Variants in DACH2 observed in about 807,000 individuals in gnomAD.
DACH2 encodes dachshund homolog 2.
Under a neutral mutation model 35.8 loss-of-function variants are expected in DACH2, and 17 were observed. The ratio of observed to expected loss-of-function variants is 0.48; its 90% CI spans 0.33 to 0.71. DACH2 has a LOEUF of 0.71. DACH2 is among the 30% of genes least tolerant of loss of function. The pLI, the probability that DACH2 is intolerant of heterozygous loss-of-function variation, is 0.02. For synonymous variants in DACH2, 195 were observed against 177.3 expected (o/e 1.10, Z -0.79); for missense variants, 469 against 472.7 (o/e 0.99, Z 0.07).
At chrX:86,512,812 T>G in intron 2 of DACH2, 1 of 307,004 alleles carries the variant, frequency 3.3e-6, no homozygotes, top group East Asian at 9.8e-5. Flanking sequence ...ATAGGATATT[T>G]CTGCTTCCAG....
intron 3 of DACH2, among the ~76,000 whole-genome samples, chrX:86,614,786 A>G (rs1402245035): frequency 9.0e-6 from 1 of 111,629 alleles, no homozygotes; most frequent in Non-Finnish European, 1.9e-5. Context: ...GAGTTAATTC[A>G]TACTCTCATT....
At chrX:86,321,659 T>A (rs2035017726) in intron 1 of DACH2, among the ~76,000 whole-genome samples, 1 of 111,799 alleles carries the variant, frequency 8.9e-6, no homozygotes, top group African/African-American at 3.3e-5. Context: ...CTTTTCCTTT[T>A]TGTTCTACTA....
chrX:86,203,902 A>T, intron 1 of DACH2, among the ~76,000 whole-genome samples: 1 of 111,421 alleles, frequency 9.0e-6, no homozygotes, highest in Non-Finnish European at 1.9e-5. Context: ...ATTGTAGAGG[A>T]CTGTAGGGTA....
At chrX:86,362,856 G>T (rs1468599226) in intron 1 of DACH2, among the ~76,000 whole-genome samples, 1 of 110,782 alleles carries the variant, frequency 9.0e-6, no homozygotes, top group Non-Finnish European at 1.9e-5. Context: ...TAACAGATGG[G>T]CTTACTTTTA....
chrX:86,610,422 C>CTTTCTTTCT (rs2039926809), intron 3 of DACH2, among the ~76,000 whole-genome samples: 1 of 45,903 alleles, frequency 2.2e-5, no homozygotes, highest in African/African-American at 1.0e-4. Context: ...TCTTTCTTTT[C>CTTTCTTTCT]TTTCTTTCTT....
intron 1 of DACH2, among the ~76,000 whole-genome samples, chrX:86,182,029 GTTGT>G (rs969619830): frequency 1.8e-5 from 2 of 111,687 alleles, no homozygotes; most frequent in South Asian, 7.5e-4. Context: ...TTTTGATGGG[GTTGT>G]TTGTTTTTTT....
intron 7 of DACH2, among the ~76,000 whole-genome samples, chrX:86,756,952 A>T (rs1463834168): frequency 9.0e-6 from 1 of 110,999 alleles, no homozygotes; most frequent in Non-Finnish European, 1.9e-5. Context: ...AAGACAGTGA[A>T]TTTTATCAAA....
intron 3 of DACH2, among the ~76,000 whole-genome samples, chrX:86,556,534 G>C (rs1316458560): frequency 9.2e-6 from 1 of 108,451 alleles, no homozygotes; most frequent in East Asian, 2.9e-4. Context: ...GTATCTGCTA[G>C]TTAGTGTAGA....
At chrX:86,162,269 T>C (rs1422902767) in intron 1 of DACH2, among the ~76,000 whole-genome samples, 2 of 111,401 alleles carry the variant, frequency 1.8e-5, no homozygotes, top group Non-Finnish European at 3.8e-5. Flanking sequence ...GTTTTCTGTT[T>C]AGTTAGGAAG....
intron 7 of DACH2, among the ~76,000 whole-genome samples, chrX:86,799,677 C>T (rs1331602816): frequency 8.9e-6 from 1 of 112,178 alleles, no homozygotes; most frequent in Non-Finnish European, 1.9e-5. Flanking sequence ...ATTAGGAAGA[C>T]AAAATACAAT....
chrX:86,210,246 A>G (rs1302120418), intron 1 of DACH2, among the ~76,000 whole-genome samples: 1 of 111,810 alleles, frequency 8.9e-6, no homozygotes, highest in African/African-American at 3.2e-5. Context: ...ATTTGTTACC[A>G]TTAAAAATGC....
At chrX:86,499,731 A>G (rs1053745119) in intron 2 of DACH2, among the ~76,000 whole-genome samples, 8 of 112,045 alleles carry the variant, frequency 7.1e-5, no homozygotes, top group African/African-American at 2.3e-4. Flanking sequence ...TTTTCATTGC[A>G]ATTGTAATGG....
intron 7 of DACH2, among the ~76,000 whole-genome samples, chrX:86,785,719 G>A (rs1272464400): frequency 9.0e-6 from 1 of 111,509 alleles, no homozygotes; most frequent in Non-Finnish European, 1.9e-5. Context: ...AACCTTAGGA[G>A]CATAATTCAT....
chrX:86,324,727 C>T (rs1051678460), intron 1 of DACH2, among the ~76,000 whole-genome samples: 15 of 31,621 alleles, frequency 4.7e-4, no homozygotes, highest in East Asian at 4.5e-3. Flanking sequence ...TACAGGCGCC[C>T]GCACCTTGCC....
chrX:86,812,612 G>T (rs5969008), intron 7 of DACH2, among the ~76,000 whole-genome samples: 2 of 110,330 alleles, frequency 1.8e-5, no homozygotes, highest in African/African-American at 6.6e-5. Flanking sequence ...TGTATCTTAA[G>T]TTTTTTCTCC....
At chrX:86,389,464 T>C (rs182470863) in intron 2 of DACH2, among the ~76,000 whole-genome samples, 2 of 112,602 alleles carry the variant, frequency 1.8e-5, no homozygotes, top group East Asian at 5.6e-4. Flanking sequence ...CAAGTGAAGT[T>C]ATTATTCATT....
At chrX:86,565,755 T>C (rs1602652438) in intron 3 of DACH2, among the ~76,000 whole-genome samples, 1 of 111,372 alleles carries the variant, frequency 9.0e-6, no homozygotes, top group African/African-American at 3.3e-5. Context: ...AAATGAAAAG[T>C]CTGTGTTTCT....
At chrX:86,723,838 C>T (rs1207521064) in intron 6 of DACH2, among the ~76,000 whole-genome samples, 1 of 110,536 alleles carries the variant, frequency 9.0e-6, no homozygotes, top group African/African-American at 3.3e-5. Context: ...ATCATGATAT[C>T]CTCTTGCTGA....
chrX:86,219,436 T>C (rs1602296557), intron 1 of DACH2, among the ~76,000 whole-genome samples: 1 of 111,565 alleles, frequency 9.0e-6, no homozygotes, highest in African/African-American at 3.3e-5. Flanking sequence ...CCAATAGTTA[T>C]CTTTTCTGCT....
Sources: allele counts gnomAD v4.1 joint callset (sites outside exome capture counted in the v4.1 genomes callset), GRCh38; gene constraint gnomAD v4.1.1; transcripts MANE v1.5; gene names NCBI Gene and HGNC (gene_info 2026-07-23, HGNC 2026-07-21).